Variants in IGFBP5 observed in about 807,000 individuals in gnomAD.
IGFBP5 encodes insulin-like growth factor-binding protein 5.
IGFBP5 carries 12 observed loss-of-function variants against 28.0 expected under a neutral mutation model. That is an observed-to-expected ratio of 0.43 (90% confidence interval 0.27 to 0.69). The LOEUF (loss-of-function observed/expected upper bound fraction) is 0.69. IGFBP5 is among the 30% of genes least tolerant of loss of function. IGFBP5 has a pLI of 0.20. For synonymous variants in IGFBP5, 152 were observed against 150.2 expected (o/e 1.01, Z -0.09); for missense variants, 344 against 381.6 (o/e 0.90, Z 0.82).
chr2:216,692,997 C>G lies in IGFBP5; in HGVS notation c.337+1442G>C, dbSNP rs987982912. On this transcript the variant is annotated intron_variant, in intron 1 of 3. Transcript: ENST00000233813. This position sits in a 1 kb window ranked among gnomAD's most constrained non-coding sequence, Gnocchi z 4.2. ...GGTGCTCGTGAGTAACGGAAAGGGA[C>G]AGGGAGGGAGAAGGGGATTGCCCCC... Among the ~76,000 whole-genome samples the G allele has an allele frequency of 2.0e-5, 3 of 152,120 alleles. No homozygotes were observed. The highest frequency in any genetic ancestry group is 4.4e-5 in the Non-Finnish European group (3 of 68,014).
chr2:216,690,967 C>G (rs538551372), intron 1 of IGFBP5, among the ~76,000 whole-genome samples: 2 of 151,450 alleles, frequency 1.3e-5, no homozygotes, highest in Non-Finnish European at 2.9e-5. Context: ...TCCCAACTCC[C>G]GTTTTGGTTG....
chr2:216,684,004 T>G (rs1689008319), intron 1 of IGFBP5, among the ~76,000 whole-genome samples: 1 of 152,114 alleles, frequency 6.6e-6, no homozygotes, highest in African/African-American at 2.4e-5. Context: ...CATCAGCCTC[T>G]CCCCATGGTA....
chr2:216,676,421 G>T lies in IGFBP5; in HGVS notation c.*330C>A. The T allele has an allele frequency of 5.6e-6, 1 of 177,404 alleles. No homozygotes were observed. The highest frequency in any genetic ancestry group is 1.2e-4 in the South Asian group (1 of 8,558). 11.0% of individuals were successfully genotyped at this position (177,404 alleles called of 1,614,324 possible). A position where few individuals can be genotyped will look rare whatever the true frequency, so the allele number is the denominator to read the frequency against. On this transcript the variant is annotated 3_prime_UTR_variant, in exon 4 of 4. Transcript: ENST00000233813. ...TGTCTTCCTTTTCCTAACTCTATTCGTCTTTCTCTCTCTTCTACACAAACA... is the reference window on the plus strand; with the variant it reads ...TGTCTTCCTTTTCCTAACTCTATTCTTCTTTCTCTCTCTTCTACACAAACA...
At chr2:216,683,228 G>A (rs763791569) in intron 1 of IGFBP5, among the ~76,000 whole-genome samples, 7 of 152,146 alleles carry the variant, frequency 4.6e-5, no homozygotes, top group Admixed American at 3.3e-4. Flanking sequence ...GGCTGAGACC[G>A]GAGGATTGCT....
Position 216,692,032 on chromosome 2 carries a change from T to A in IGFBP5, c.337+2407A>T, listed in dbSNP as rs1689104095. Reference sequence around the variant, plus strand: ...CACTCTCCCTCTCTCTGTCCATTTCTCTCTCCTTAAGAACGGTCTCTACAC... The same window carrying A: ...CACTCTCCCTCTCTCTGTCCATTTCACTCTCCTTAAGAACGGTCTCTACAC... On this transcript the variant is annotated intron_variant, in intron 1 of 3. Coordinates refer to ENST00000233813, the MANE Select transcript of IGFBP5 (RefSeq NM_000599.4). The surrounding 1 kb of genome is among the most constrained non-coding windows in gnomAD (Gnocchi z 4.2). Among the ~76,000 whole-genome samples the A allele has an allele frequency of 6.6e-6, 1 of 151,804 alleles. No homozygotes were observed. Among genetic ancestry groups the A allele is most frequent in the South Asian group, 2.1e-4 (1 of 4,818 alleles).
rs1034947614 is a variant in IGFBP5 at position 216,694,344 on chromosome 2, C to G, written c.337+95G>C. The G allele has an allele frequency of 9.6e-6, 11 of 1,139,982 alleles. No homozygotes were observed. In the African/African-American group the frequency reaches 1.8e-4, roughly 19 times the overall value. The allele number at this position is 1,139,982 out of a possible 1,614,324, so 70.6% of individuals were successfully genotyped here. A position where few individuals can be genotyped will look rare whatever the true frequency, so the allele number is the denominator to read the frequency against. On this transcript the variant is annotated intron_variant, in intron 1 of 3. Coordinates refer to ENST00000233813, the MANE Select transcript of IGFBP5 (RefSeq NM_000599.4). The surrounding 1 kb of genome is among the most constrained non-coding windows in gnomAD (Gnocchi z 5.2). The stretch of plus-strand genomic sequence containing the variant: ...ACTACTCCCGAGCTGCACCCCAGCT[C>G]GAAGCCACTTGCTGCGCAAAGCGCG...
chr2:216,679,814 G>A lies in IGFBP5; in HGVS notation c.338-735C>T, dbSNP rs918202498. Among the ~76,000 whole-genome samples the A allele has an allele frequency of 5.3e-5, 8 of 152,124 alleles. No homozygotes were observed. The highest frequency in any genetic ancestry group is 1.4e-4 in the African/African-American group (6 of 41,438). Reference sequence around the variant, plus strand: ...CTGGCTCAGAACTGGCGCGGTGCTCGGGGGCCTGGGAGGCTGGGACGTTAC... The same window carrying A: ...CTGGCTCAGAACTGGCGCGGTGCTCAGGGGCCTGGGAGGCTGGGACGTTAC... On this transcript the variant is annotated intron_variant, in intron 1 of 3. Transcript: ENST00000233813. This position sits in a 1 kb window ranked among gnomAD's most constrained non-coding sequence, Gnocchi z 4.6.
At chr2:216,693,166 A>C (rs918164273) in intron 1 of IGFBP5, among the ~76,000 whole-genome samples, 3 of 139,734 alleles carry the variant, frequency 2.1e-5, no homozygotes, top group African/African-American at 8.4e-5. Flanking sequence ...TTTTTTTTTT[A>C]ACTAAAGATC....
Position 216,695,031 on chromosome 2 carries a change from T to TTCCG in IGFBP5, c.-257_-256insCGGA, listed in dbSNP as rs1689152083. 2.9e-6 allele frequency: 1 copy of TTCCG among 350,606 alleles called. No individual in the cohort carries two copies. The highest frequency in any genetic ancestry group is 4.7e-5 in the Admixed American group (1 of 21,336). The allele number at this position is 350,606 out of a possible 1,614,324, so 21.7% of individuals were successfully genotyped here. On this transcript the variant is annotated 5_prime_UTR_variant, in exon 1 of 4. Transcript: ENST00000233813. The stretch of plus-strand genomic sequence containing the variant: ...TTGGGGGAAGCAGGGCAGCGCCAGG[T>TTCCG]GCACGCAGTGAGCGGAGGCCGGAGA...
At chr2:216,689,599 C>A (rs113327030) in intron 1 of IGFBP5, among the ~76,000 whole-genome samples, 73 of 152,312 alleles carry the variant, frequency 4.8e-4, no homozygotes, top group Middle Eastern at 3.4e-3. Flanking sequence ...CAGTGACTAG[C>A]GAGAAAGCCA....
rs1047322151 is a variant in IGFBP5 at position 216,676,130 on chromosome 2, C to T, written c.*621G>A. On this transcript the variant is annotated 3_prime_UTR_variant, in exon 4 of 4. Coordinates refer to ENST00000233813, the MANE Select transcript of IGFBP5 (RefSeq NM_000599.4). Reference sequence around the variant, plus strand: ...AATTTGGGGAGAGACAACACTCTGCCCAGGTAAGAGGAGAGGAAGTTCAGG... The same window carrying T: ...AATTTGGGGAGAGACAACACTCTGCTCAGGTAAGAGGAGAGGAAGTTCAGG... The T allele has an allele frequency of 6.6e-6, 1 of 152,568 alleles. No homozygotes were observed. The highest frequency in any genetic ancestry group is 1.5e-5 in the Non-Finnish European group (1 of 68,044). The allele number at this position is 152,568 out of a possible 1,614,324, so 9.5% of individuals were successfully genotyped here.
intron 1 of IGFBP5, among the ~76,000 whole-genome samples, chr2:216,688,028 G>A (rs1433869450): frequency 6.6e-6 from 1 of 152,174 alleles, no homozygotes; most frequent in Non-Finnish European, 1.5e-5. Context: ...AGGTGAGAGA[G>A]GGGTTTGCTG....
chr2:216,689,667 T>C (rs1031980772), intron 1 of IGFBP5, among the ~76,000 whole-genome samples: 2 of 152,250 alleles, frequency 1.3e-5, no homozygotes, highest in Non-Finnish European at 2.9e-5. Flanking sequence ...CCCAGCCCCT[T>C]GTCTGTCTCT....
intron 1 of IGFBP5, among the ~76,000 whole-genome samples, chr2:216,683,463 G>A (rs1689003008): frequency 6.6e-6 from 1 of 152,174 alleles, no homozygotes; most frequent in Non-Finnish European, 1.5e-5. Flanking sequence ...CTGTTTGTGT[G>A]TCTGCAGGAT....
Position 216,678,890 on chromosome 2 carries a change from C to A in IGFBP5, c.527G>T (p.Arg176Leu). ...VGGAENTAHP[R>L]IISAPEMRQE... ...TCTCATCTCAGGTGCAGAGATGATC[C>A]GGGGGTGGGCAGTGTTCTCGGCTCC... Residue 176 changes from arginine to leucine, a missense_variant, in exon 2 of 4, where the codon CGG (arginine) becomes CTG (leucine). By Grantham distance (102) the Arg-to-Leu change is moderately radical. Coordinates refer to ENST00000233813, the MANE Select transcript of IGFBP5 (RefSeq NM_000599.4). 6.2e-7 allele frequency: 1 copy of A among 1,614,154 alleles called. No homozygotes were observed. Among genetic ancestry groups the A allele is most frequent in the East Asian group, 2.2e-5 (1 of 44,872 alleles).
At chr2:216,690,664 A>G (rs777053990) in intron 1 of IGFBP5, among the ~76,000 whole-genome samples, 13 of 143,632 alleles carry the variant, frequency 9.1e-5, no homozygotes, top group Non-Finnish European at 1.9e-4. Context: ...AAGCCCCGGG[A>G]CTAACTCACA....
chr2:216,674,318 T>TTGGGTTTA lies in IGFBP5; in HGVS notation c.*2432_*2433insTAAACCCA, dbSNP rs1688869896. On this transcript the variant is annotated 3_prime_UTR_variant, in exon 4 of 4. Coordinates refer to ENST00000233813, the MANE Select transcript of IGFBP5 (RefSeq NM_000599.4). The surrounding 1 kb of genome is among the most constrained non-coding windows in gnomAD (Gnocchi z 4.4). The stretch of plus-strand genomic sequence containing the variant: ...TTTAGGGGACAGCTGTGCAGAGAGA[T>TTGGGTTTA]GGGGCATGCTGACTCGGCAGGTCAA... The TTGGGTTTA allele has an allele frequency of 6.5e-6, 1 of 153,436 alleles. No homozygotes were observed. The highest frequency in any genetic ancestry group is 1.5e-5 in the Non-Finnish European group (1 of 68,086). The allele number at this position is 153,436 out of a possible 1,614,324, so 9.5% of individuals were successfully genotyped here. A position where few individuals can be genotyped will look rare whatever the true frequency, so the allele number is the denominator to read the frequency against.
chr2:216,689,272 A>G (rs1165391534), intron 1 of IGFBP5, among the ~76,000 whole-genome samples: 5 of 152,224 alleles, frequency 3.3e-5, no homozygotes. Context: ...CCTGTCATGT[A>G]GAAAATGAGG....
chr2:216,690,096 C>G (rs988065953), intron 1 of IGFBP5, among the ~76,000 whole-genome samples: 5 of 152,188 alleles, frequency 3.3e-5, no homozygotes, highest in African/African-American at 1.2e-4. Context: ...ACACTGCCAT[C>G]CTTGTTTATT....
Sources: gnomAD v4.1 joint callset for allele counts (sites outside exome capture counted in the v4.1 genomes callset) on GRCh38, gnomAD v4.1.1 for gene constraint, Gnocchi (gnomAD v3.1) non-coding constraint, MANE v1.5 for transcripts, NCBI Gene and HGNC (gene_info 2026-07-23, HGNC 2026-07-21) for gene names.